The following GRB10 variants were observed in gnomAD, a reference collection of about 807,000 sequenced individuals.
GRB10 encodes growth factor receptor-bound protein 10.
Under a neutral mutation model 80.9 loss-of-function variants are expected in GRB10, and 20 were observed. The ratio of observed to expected loss-of-function variants is 0.25; its 90% CI spans 0.17 to 0.36. The LOEUF (loss-of-function observed/expected upper bound fraction) is 0.36, where lower values mean the gene tolerates loss of function less well. Ranked by LOEUF, GRB10 falls within the 10% of genes least tolerant of loss-of-function variation. GRB10 has a pLI of 1.00. For missense variants in GRB10, 548 were observed against 747.7 expected, an observed-to-expected ratio of 0.73 and a Z score of 3.12; for synonymous variants, 291 against 291.5, an observed-to-expected ratio of 1.00 and a Z score of 0.02.
At chr7:50,708,988 T>C (rs374223139) in intron 4 of GRB10, among the ~76,000 whole-genome samples, 340 of 152,282 alleles carry the variant, frequency 2.2e-3, no homozygotes, top group South Asian at 0.017. Context: ...GTCCGCTTTT[T>C]ACTCAGAGCC....
chr7:50,747,535 C>T (rs1052084719), intron 3 of GRB10: 4 of 152,190 alleles, frequency 2.6e-5, no homozygotes, highest in Non-Finnish European at 5.9e-5. Context: ...CCCTCCACCC[C>T]GCTTCTCCAT....
At position 50,592,818 on chromosome 7, in the gene GRB10, G is replaced by T. The variant is rs2045971130; in HGVS notation, c.*134C>A. 1 of 1,032,462 alleles carries T rather than the reference G, an allele frequency of 9.7e-7. No homozygotes were observed. Among genetic ancestry groups the T allele is most frequent in the Non-Finnish European group, 1.5e-6 (1 of 668,504 alleles). The allele number at this position is 1,032,462 out of a possible 1,614,324, so 64.0% of individuals were successfully genotyped here. On this transcript the variant is annotated 3_prime_UTR_variant, in exon 19 of 19. Transcript: ENST00000401949. ...CCAACAAACTAGTCAATCTTGGTCG[G>T]CTGGCACCGAACAAACCCATCTCGC...
At chr7:50,692,807 A>G (rs921973053) in intron 5 of GRB10, among the ~76,000 whole-genome samples, 5 of 152,196 alleles carry the variant, frequency 3.3e-5, no homozygotes, top group African/African-American at 1.2e-4. Context: ...AATGCTCGCA[A>G]CAGGCAGCTT....
At chr7:50,735,255 G>T (rs903209943) in intron 3 of GRB10, among the ~76,000 whole-genome samples, 1 of 152,154 alleles carries the variant, frequency 6.6e-6, no homozygotes, top group Non-Finnish European at 1.5e-5. Context: ...AATCAAAGAG[G>T]TGAACTACTT....
intron 4 of GRB10, among the ~76,000 whole-genome samples, chr7:50,718,449 C>T (rs1587417424): frequency 6.6e-6 from 1 of 152,108 alleles, no homozygotes; most frequent in African/African-American, 2.4e-5. Flanking sequence ...TCCACCCACA[C>T]TTTCTTCTCA....
intron 2 of GRB10, among the ~76,000 whole-genome samples, chr7:50,757,543 C>A (rs1203899295): frequency 3.9e-5 from 6 of 152,196 alleles, no homozygotes; most frequent in Non-Finnish European, 8.8e-5. Context: ...TTGAACATCA[C>A]CTGCCTATGC....
chr7:50,690,199 G>A (rs1481442233), intron 5 of GRB10, among the ~76,000 whole-genome samples: 2 of 152,110 alleles, frequency 1.3e-5, no homozygotes, highest in Non-Finnish European at 2.9e-5. Flanking sequence ...AGGAGGCTGA[G>A]GCAGGAGAAT....
At chr7:50,784,893 C>T (rs1397055035), upstream of GRB10, among the ~76,000 whole-genome samples, 1 of 152,212 alleles carries the variant, frequency 6.6e-6, no homozygotes, top group Non-Finnish European at 1.5e-5. Flanking sequence ...GAGTCCAAAA[C>T]AAGAAGATTA....
chr7:50,641,455 C>T (rs1325960827), intron 7 of GRB10, among the ~76,000 whole-genome samples: 1 of 152,110 alleles, frequency 6.6e-6, no homozygotes, highest in Non-Finnish European at 1.5e-5. Flanking sequence ...ATCCTAAAAG[C>T]CCTGGCACTA....
At chr7:50,759,886 C>T (rs550752573) in intron 2 of GRB10, among the ~76,000 whole-genome samples, 2 of 152,126 alleles carry the variant, frequency 1.3e-5, no homozygotes, top group African/African-American at 2.4e-5. Flanking sequence ...GGGGGCAGAG[C>T]GCGGACACCC....
intron 10 of GRB10, 126 bp downstream of exon 10, chr7:50,617,945 A>G: frequency 1.2e-6 from 1 of 837,336 alleles, no homozygotes; most frequent in Non-Finnish European, 2.0e-6. Flanking sequence ...CCTCCGGCTT[A>G]AGAGCCAAGG....
At chr7:50,624,614 T>C (rs138600338) in intron 8 of GRB10, among the ~76,000 whole-genome samples, 23 of 152,178 alleles carry the variant, frequency 1.5e-4, no homozygotes, top group African/African-American at 5.1e-4. Context: ...GTCCTGGGGG[T>C]ACTGACCTTA....
chr7:50,654,210 G>A (rs1267326820), intron 7 of GRB10, among the ~76,000 whole-genome samples: 1 of 152,252 alleles, frequency 6.6e-6, no homozygotes, highest in African/African-American at 2.4e-5. Context: ...GAAGTGTGGG[G>A]AATGCCTGGG....
At chr7:50,606,497 A>G (rs969609884) in intron 13 of GRB10, 83 bp from the exon 14 acceptor site, 4 of 959,750 alleles carry the variant, frequency 4.2e-6, no homozygotes, top group East Asian at 2.4e-5. Flanking sequence ...AGGAAAGGGC[A>G]ATGTTGAGTG....
intron 4 of GRB10, among the ~76,000 whole-genome samples, chr7:50,729,038 C>T (rs1398409890): frequency 6.6e-6 from 1 of 152,104 alleles, no homozygotes. Flanking sequence ...GAGTAGGTTC[C>T]CCGCCTGAAG....
chr7:50,634,663 C>T (rs539692298), intron 7 of GRB10, among the ~76,000 whole-genome samples: 107 of 152,302 alleles, frequency 7.0e-4, no homozygotes, highest in African/African-American at 2.6e-3. Flanking sequence ...CGGCTAAAGA[C>T]ACCTACAGAC....
intron 3 of GRB10, among the ~76,000 whole-genome samples, chr7:50,749,134 G>GTTTTTTTTTTT (rs11405172): frequency 2.9e-5 from 4 of 137,904 alleles, no homozygotes; most frequent in Non-Finnish European, 4.6e-5. Flanking sequence ...TTTTTTGTTT[G>GTTTTTTTTTTT]TTTTTTTTTT....
At chr7:50,684,378 T>TA (rs1193285612) in intron 5 of GRB10, among the ~76,000 whole-genome samples, 11 of 151,428 alleles carry the variant, frequency 7.3e-5, no homozygotes, top group African/African-American at 2.4e-4. Flanking sequence ...TAATTATATT[T>TA]AAAAAAAATA....
intron 6 of GRB10, among the ~76,000 whole-genome samples, chr7:50,670,565 G>A (rs1366267565): frequency 1.3e-5 from 2 of 151,880 alleles, no homozygotes; most frequent in East Asian, 3.9e-4. Flanking sequence ...GTTGTCCTGG[G>A]TGCGTGCTCA....
Sources: gnomAD v4.1 joint callset for allele counts (sites outside exome capture counted in the v4.1 genomes callset) on GRCh38, gnomAD v4.1.1 for gene constraint, MANE v1.5 for transcripts, NCBI Gene and HGNC (gene_info 2026-07-23, HGNC 2026-07-21) for gene names.